Variants in TRHDE observed in about 807,000 individuals in gnomAD.
TRHDE encodes thyrotropin-releasing hormone-degrading ectoenzyme.
A neutral mutation model predicts 125.7 loss-of-function variants in TRHDE; 72 were observed. That is an observed-to-expected ratio of 0.57 (90% confidence interval 0.47 to 0.70). The LOEUF (loss-of-function observed/expected upper bound fraction) is 0.70, where lower values mean the gene tolerates loss of function less well. Ranked by LOEUF, TRHDE falls within the 30% of genes least tolerant of loss-of-function variation. The pLI is 0.00. For synonymous variants in TRHDE, 509 were observed against 509.1 expected (o/e 1.00, Z 0.00); for missense variants, 1,110 against 1,327.1 (o/e 0.84, Z 2.54).
At chr12:72,386,368 GCT>G (rs1460199417) in intron 3 of TRHDE, among the ~76,000 whole-genome samples, 4 of 151,930 alleles carry the variant, frequency 2.6e-5, no homozygotes, top group Non-Finnish European at 5.9e-5. Flanking sequence ...CTTATACTCC[GCT>G]GTTTCCCCTA....
intron 2 of TRHDE, among the ~76,000 whole-genome samples, chr12:72,107,215 G>A (rs2139292767): frequency 6.6e-6 from 1 of 152,156 alleles, no homozygotes; most frequent in South Asian, 2.1e-4. Flanking sequence ...GTTAATTTTG[G>A]TGTAGTCCCT....
intron 2 of TRHDE, among the ~76,000 whole-genome samples, chr12:72,189,911 C>T (rs543772632): frequency 6.6e-6 from 1 of 152,216 alleles, no homozygotes; most frequent in South Asian, 2.1e-4. Context: ...TTTGGGATGT[C>T]CTATGTAGCT....
intron 7 of TRHDE, among the ~76,000 whole-genome samples, chr12:72,545,955 G>T (rs1380010194): frequency 2.0e-5 from 3 of 151,518 alleles, no homozygotes; most frequent in Non-Finnish European, 3.0e-5. Flanking sequence ...TTTGCATTTA[G>T]GTATATTGGA....
At chr12:72,166,907 CGTGTGTGTGTGTGTGTGTGT>C (rs59590935) in intron 2 of TRHDE, among the ~76,000 whole-genome samples, 14 of 139,230 alleles carry the variant, frequency 1.0e-4, no homozygotes, top group Admixed American at 2.9e-4. Flanking sequence ...GGTAGATGAA[CGTGTGTGTGTGTGTGTGTGT>C]GTGTGTGTGT....
Position 72,101,494 on chromosome 12 carries a change from C to T in TRHDE, n.175-4154C>T, listed in dbSNP as rs76615722. 3.9e-3 allele frequency among the ~76,000 whole-genome samples: 598 copies of T among 152,192 alleles called. 1 individual carries two copies. Among genetic ancestry groups the T allele is most frequent in the Middle Eastern group, 0.01 (3 of 294 alleles). ...CAAGAAGCTTTCTGCCAATAAGTCA[C>T]GCAAATAGTTTTGGTTCTGGAAGGA... On this transcript the variant is annotated intron_variant and non_coding_transcript_variant, in intron 1 of 4. Coordinates refer to the TRHDE transcript ENST00000548156.
intron 3 of TRHDE, among the ~76,000 whole-genome samples, chr12:72,424,137 G>A (rs117018305): frequency 6.6e-6 from 1 of 152,156 alleles, no homozygotes; most frequent in Non-Finnish European, 1.5e-5. Context: ...CAAAACTAAG[G>A]TGTCAATAGG....
At chr12:72,473,956 A>T (rs555532780) in intron 5 of TRHDE, among the ~76,000 whole-genome samples, 1 of 152,194 alleles carries the variant, frequency 6.6e-6, no homozygotes, top group Non-Finnish European at 1.5e-5. Context: ...AATACTTATC[A>T]ATTTCCAAAA....
intron 1 of TRHDE, among the ~76,000 whole-genome samples, chr12:72,104,323 A>C (rs1875133637): frequency 6.6e-6 from 1 of 152,174 alleles, no homozygotes; most frequent in Non-Finnish European, 1.5e-5. Context: ...AGGAGAGAAG[A>C]TGCATGTGTG....
At chr12:72,608,351 T>C (rs957453889) in intron 12 of TRHDE, among the ~76,000 whole-genome samples, 2 of 152,224 alleles carry the variant, frequency 1.3e-5, no homozygotes, top group Non-Finnish European at 2.9e-5. Context: ...AAAGATACTT[T>C]ATATCATTAC....
intron 7 of TRHDE, among the ~76,000 whole-genome samples, chr12:72,548,608 A>C (rs1386863655): frequency 6.6e-6 from 1 of 151,792 alleles, no homozygotes; most frequent in Admixed American, 6.6e-5. Context: ...ATATATCTTT[A>C]CATGACTTGG....
At chr12:72,464,469 A>G (rs1216618136) in intron 3 of TRHDE, among the ~76,000 whole-genome samples, 1 of 152,186 alleles carries the variant, frequency 6.6e-6, no homozygotes, top group Non-Finnish European at 1.5e-5. Context: ...GTATCTTCAC[A>G]TGGCAGAAGA....
At chr12:72,474,799 A>T (rs537327707) in intron 5 of TRHDE, among the ~76,000 whole-genome samples, 1 of 151,612 alleles carries the variant, frequency 6.6e-6, no homozygotes, top group Non-Finnish European at 1.5e-5. Flanking sequence ...AAGGTAAAAT[A>T]TGAAAGCATC....
chr12:72,419,387 GT>G (rs926668290), intron 3 of TRHDE, among the ~76,000 whole-genome samples: 4 of 152,162 alleles, frequency 2.6e-5, no homozygotes, highest in Non-Finnish European at 5.9e-5. Flanking sequence ...AAGAACAGAG[GT>G]TTTTTGGCTC....
chr12:72,481,920 T>C (rs1346618291), intron 5 of TRHDE, among the ~76,000 whole-genome samples: 1 of 152,018 alleles, frequency 6.6e-6, no homozygotes, highest in Non-Finnish European at 1.5e-5. Context: ...ATTAATTCCC[T>C]TAATCATTTT....
chr12:72,512,586 A>T (rs1328754000), intron 6 of TRHDE, among the ~76,000 whole-genome samples: 2 of 141,474 alleles, frequency 1.4e-5, no homozygotes, highest in Non-Finnish European at 3.0e-5. Flanking sequence ...TCATATAATA[A>T]TCATATATAA....
chr12:72,644,675 T>G (rs919902612), intron 15 of TRHDE, among the ~76,000 whole-genome samples: 1 of 152,208 alleles, frequency 6.6e-6, no homozygotes, highest in Non-Finnish European at 1.5e-5. Flanking sequence ...GTCATAGATC[T>G]TTTCTACTGC....
chr12:72,123,871 T>C (rs1875649322), intron 2 of TRHDE, among the ~76,000 whole-genome samples: 1 of 152,158 alleles, frequency 6.6e-6, no homozygotes, highest in African/African-American at 2.4e-5. Flanking sequence ...TTTATAACTT[T>C]GTGTGTATTT....
At chr12:72,267,349 G>T (rs1241357811) in intron 2 of TRHDE, among the ~76,000 whole-genome samples, 4 of 152,066 alleles carry the variant, frequency 2.6e-5, no homozygotes. Context: ...ACTTTCTTGA[G>T]ATACTAATTC....
chr12:72,131,489 TC>T (rs201410707), intron 2 of TRHDE, among the ~76,000 whole-genome samples: 2,878 of 152,358 alleles, frequency 0.019, 37 homozygotes, highest in Non-Finnish European at 0.032. Flanking sequence ...TTTAAAATTA[TC>T]CCCTTTTCCC....
Sources: gnomAD v4.1 joint callset for allele counts (sites outside exome capture counted in the v4.1 genomes callset) on GRCh38, gnomAD v4.1.1 for gene constraint, MANE v1.5 for transcripts, NCBI Gene and HGNC (gene_info 2026-07-23, HGNC 2026-07-21) for gene names.